Variants in CREM observed in about 807,000 individuals in gnomAD.
CREM encodes cAMP responsive element modulator.
A neutral mutation model predicts 37.3 loss-of-function variants in CREM; 13 were observed. The ratio of observed to expected loss-of-function variants is 0.35; its 90% confidence interval spans 0.23 to 0.55. CREM has a LOEUF of 0.55. Ranked by LOEUF, CREM falls within the 20% of genes least tolerant of loss-of-function variation. The pLI is 0.88. For missense variants in CREM, 296 were observed against 362.3 expected, an observed-to-expected ratio of 0.82 and a Z score of 1.49; for synonymous variants, 124 against 120.2, an observed-to-expected ratio of 1.03 and a Z score of -0.21.
At chr10:35,152,166 A>G (rs2092641602) in intron 3 of CREM, 1 of 152,238 alleles carries the variant, frequency 6.6e-6, no homozygotes, top group Non-Finnish European at 1.5e-5. Context: ...ATATGATCAG[A>G]TTATCAGTAA....
chr10:35,192,600 C>T (rs754293359), intron 6 of CREM, among the ~76,000 whole-genome samples: 5 of 152,074 alleles, frequency 3.3e-5, no homozygotes, highest in Admixed American at 1.3e-4. Flanking sequence ...CCGTCCATCT[C>T]GGCATCCTAA....
intron 3 of CREM, among the ~76,000 whole-genome samples, chr10:35,172,243 C>T (rs966291304): frequency 4.6e-5 from 7 of 152,184 alleles, no homozygotes; most frequent in Non-Finnish European, 2.9e-5. Context: ...TGCTGCTCTA[C>T]TGGAGCTGAA....
At position 35,212,287 on chromosome 10, in the gene CREM, A is replaced by G. The variant is rs542916194; in HGVS notation, c.*889A>G. ...GAATATATGGCATTTGCAGATTTTT[A>G]TATTAGTTGCTTTGTTAAAAAAAAA... On this transcript the variant is annotated 3_prime_UTR_variant, in exon 8 of 8. Transcript: ENST00000685392. 1 of 150,422 alleles carries G rather than the reference A, an allele frequency of 6.6e-6. No individual in the cohort carries two copies. The highest frequency in any genetic ancestry group is 2.1e-4 in the South Asian group (1 of 4,774). The allele number at this position is 150,422 out of a possible 1,614,324, so 9.3% of individuals were successfully genotyped here. A position where few individuals can be genotyped will look rare whatever the true frequency, so the allele number is the denominator to read the frequency against.
chr10:35,179,668 G>A (rs954267133), intron 5 of CREM: 4 of 166,440 alleles, frequency 2.4e-5, no homozygotes, highest in African/African-American at 9.5e-5. Flanking sequence ...TAATCTGAGA[G>A]TTTTCTAAAG....
At position 35,178,875 on chromosome 10, in the gene CREM, A is replaced by G; in HGVS notation, c.169-14A>G. ...TATATTTTATGATACATTTCAGAAAATCTTGTATTATAGGTAGCAGCAATT... is the reference window on the plus strand; with the variant it reads ...TATATTTTATGATACATTTCAGAAAGTCTTGTATTATAGGTAGCAGCAATT... On this transcript the variant is annotated splice_polypyrimidine_tract_variant and intron_variant, in intron 3 of 7. Transcript: ENST00000685392. 1.3e-6 allele frequency: 2 copies of G among 1,588,920 alleles called. No homozygotes were observed. The highest frequency in any genetic ancestry group is 1.7e-6 in the Non-Finnish European group (2 of 1,166,012).
chr10:35,127,377 C>A (rs2088017030), intron 1 of CREM, 184 bp downstream of exon 1: 1 of 151,924 alleles, frequency 6.6e-6, no homozygotes, highest in African/African-American at 2.4e-5. Context: ...GCCGCGAGTT[C>A]ACCTGACGCG....
chr10:35,158,378 GC>G, intron 3 of CREM: 1 of 255,748 alleles, frequency 3.9e-6, no homozygotes. Flanking sequence ...GGTTTCCAAG[GC>G]CCACAGGCAG....
At chr10:35,183,736 T>G (rs992972053) in intron 5 of CREM, among the ~76,000 whole-genome samples, 1 of 152,238 alleles carries the variant, frequency 6.6e-6, no homozygotes, top group Admixed American at 6.5e-5. Flanking sequence ...CATTTACATG[T>G]GTATGTATTT....
chr10:35,178,853 A>G, intron 3 of CREM, 36 bp from the exon 4 acceptor site: 3 of 1,543,616 alleles, frequency 1.9e-6, no homozygotes, highest in East Asian at 4.5e-5. Context: ...AAGAGCATAT[A>G]TTTTATGATA....
intron 6 of CREM, among the ~76,000 whole-genome samples, chr10:35,200,706 A>G (rs1271352031): frequency 6.6e-6 from 1 of 152,184 alleles, no homozygotes; most frequent in African/African-American, 2.4e-5. Flanking sequence ...AGCTAGGGAT[A>G]GAAGCCCCCC....
chr10:35,207,370 G>A (rs2095553786), intron 7 of CREM, among the ~76,000 whole-genome samples: 1 of 151,788 alleles, frequency 6.6e-6, no homozygotes, highest in South Asian at 2.1e-4. Flanking sequence ...CTCCAGCCTG[G>A]GCGACAGAGC....
At chr10:35,162,710 C>T (rs1014735090) in intron 3 of CREM, among the ~76,000 whole-genome samples, 4 of 152,124 alleles carry the variant, frequency 2.6e-5, no homozygotes, top group Non-Finnish European at 4.4e-5. Flanking sequence ...AATCTAAAAT[C>T]TTACACAGCC....
intron 3 of CREM, among the ~76,000 whole-genome samples, chr10:35,165,072 A>G (rs2093478442): frequency 6.6e-6 from 1 of 151,270 alleles, no homozygotes; most frequent in African/African-American, 2.4e-5. Flanking sequence ...AAAAAAAAAA[A>G]AAAAAAGAAA....
At position 35,158,806 on chromosome 10, in the gene CREM, T is replaced by G. The variant is rs531118454; in HGVS notation, c.168+10315T>G. ...AGAGTAGCAAATATAGTGTTTTTTTTTTGTTGTTTTGTTTGTTTTTTTTTT... is the reference window on the plus strand; with the variant it reads ...AGAGTAGCAAATATAGTGTTTTTTTGTTGTTGTTTTGTTTGTTTTTTTTTT... On this transcript the variant is annotated intron_variant, in intron 3 of 7. Transcript: ENST00000685392. Among the ~76,000 whole-genome samples the G allele has an allele frequency of 7.0e-3, 707 of 100,514 alleles. 10 individuals carry two copies. Among genetic ancestry groups the G allele is most frequent in the Middle Eastern group, 0.02 (4 of 198 alleles). The allele number at this position is 100,514 out of a possible 152,430, so 65.9% of individuals were successfully genotyped here. A position where few individuals can be genotyped will look rare whatever the true frequency, so the allele number is the denominator to read the frequency against.
intron 3 of CREM, among the ~76,000 whole-genome samples, chr10:35,150,684 G>A (rs2092535032): frequency 6.6e-6 from 1 of 151,970 alleles, no homozygotes; most frequent in Non-Finnish European, 1.5e-5. Flanking sequence ...AGGTGGTTAT[G>A]GTGGCACACG....
Position 35,188,385 on chromosome 10 carries a change from C to A in CREM, c.595C>A (p.Gln199Lys). Residue 199 changes from glutamine (Q) to lysine (K), a missense_variant, in exon 6 of 8, where the codon CAA (glutamine) becomes AAA (lysine). Transcript: ENST00000685392. The part of the protein sequence containing the change: ...FFVPGSQVVV[Q>K]AATGDMPTYQ... ...TGTCCCAGGCAGCCAGGTTGTTGTT[C>A]AAGGTATATTTTATTAATCTAATAC... 1 of 1,610,366 alleles carries A rather than the reference C, an allele frequency of 6.2e-7. No homozygotes were observed. Among genetic ancestry groups the A allele is most frequent in the South Asian group, 1.1e-5 (1 of 90,350 alleles).
chr10:35,208,519 T>G lies in CREM; in HGVS notation c.755+1468T>G, dbSNP rs191399418. On this transcript the variant is annotated intron_variant, in intron 7 of 7. Coordinates refer to ENST00000685392, the MANE Select transcript of CREM (RefSeq NM_183011.2). The stretch of plus-strand genomic sequence containing the variant: ...AGAGTTTCCCAGTAGTCTTGTCACC[T>G]TAGTCCTAATGTCAAATAATGTCCT... Among the ~76,000 whole-genome samples the G allele has an allele frequency of 3.1e-3, 479 of 152,346 alleles. 1 individual carries two copies. Among genetic ancestry groups the G allele is most frequent in the Middle Eastern group, 6.8e-3 (2 of 294 alleles).
intron 3 of CREM, among the ~76,000 whole-genome samples, chr10:35,165,078 A>AAAG (rs1491207726): frequency 0.016 from 2,438 of 148,198 alleles, 87 homozygotes; most frequent in African/African-American, 0.057. Context: ...AAAAAAAAAA[A>AAAG]GAAAAGGAAA....
intron 3 of CREM, among the ~76,000 whole-genome samples, chr10:35,149,171 G>T (rs1016138134): frequency 6.6e-6 from 1 of 152,164 alleles, no homozygotes; most frequent in Non-Finnish European, 1.5e-5. Context: ...AATGAATAAG[G>T]CCTACAGAAG....
Sources: gnomAD v4.1 joint callset for allele counts (sites outside exome capture counted in the v4.1 genomes callset) on GRCh38, gnomAD v4.1.1 for gene constraint, MANE v1.5 for transcripts, NCBI Gene and HGNC (gene_info 2026-07-23, HGNC 2026-07-21) for gene names.